Variants in PEMT observed in about 807,000 individuals in gnomAD.
The protein encoded by PEMT is phospholipid methyltransferase.
Under a neutral mutation model 27.4 loss-of-function variants are expected in PEMT, and 23 were observed. The ratio of observed to expected loss-of-function variants is 0.84; its 90% CI spans 0.60 to 1.19. The LOEUF is 1.19. Among genes scored for constraint, PEMT ranks in the 50% most tolerant of loss-of-function variants. The pLI is 0.00. For synonymous variants in PEMT, 137 were observed against 139.1 expected (o/e 0.98, Z 0.11); for missense variants, 307 against 310.1 (o/e 0.99, Z 0.07).
chr17:17,572,806 C>G (rs1911296218), intron 2 of PEMT, among the ~76,000 whole-genome samples: 1 of 152,240 alleles, frequency 6.6e-6, no homozygotes, highest in Admixed American at 6.5e-5. Flanking sequence ...TGTGAAGATT[C>G]ATTGAAATAC....
intron 2 of PEMT, among the ~76,000 whole-genome samples, chr17:17,576,307 C>T (rs1911582975): frequency 6.6e-6 from 1 of 152,204 alleles, no homozygotes; most frequent in Admixed American, 6.5e-5. Flanking sequence ...GTCCACCCAC[C>T]CCTCGGTGCT....
rs70963016 is a variant in PEMT at position 17,519,831 on chromosome 17, C to T, written c.320+2449G>A. 7.7e-3 allele frequency among the ~76,000 whole-genome samples: 1,180 copies of T among 152,294 alleles called. 12 individuals are homozygous for T. Among genetic ancestry groups the T allele is most frequent in the African/African-American group, 0.026 (1,087 of 41,546 alleles). On this transcript the variant is annotated intron_variant, in intron 3 of 6. Transcript: ENST00000255389. Reference sequence around the variant, plus strand: ...CTCAGCAGAGACTCAGAGCAGCTCCCGGGGCAGGGCTGGCAGGAGGGGCTC... The same window carrying T: ...CTCAGCAGAGACTCAGAGCAGCTCCTGGGGCAGGGCTGGCAGGAGGGGCTC...
chr17:17,552,528 C>T (rs889494572), intron 2 of PEMT, among the ~76,000 whole-genome samples: 1 of 152,174 alleles, frequency 6.6e-6, no homozygotes, highest in African/African-American at 2.4e-5. Flanking sequence ...GCTCCTCACC[C>T]GCGGCGCACC....
In PEMT at chr17:17,523,694, G is replaced by A. The variant is rs1238494411; in HGVS notation, c.205-1299C>T. Among the ~76,000 whole-genome samples the A allele has an allele frequency of 1.3e-5, 2 of 152,080 alleles. No individual in the cohort carries two copies. The highest frequency in any genetic ancestry group is 2.9e-5 in the Non-Finnish European group (2 of 68,006). On this transcript the variant is annotated intron_variant, in intron 2 of 6. Transcript: ENST00000255389. This position sits in a 1 kb window ranked among gnomAD's most constrained non-coding sequence, Gnocchi z 4.8. ...GGCGGAAGGAATAAGCGCTGCAGGG[G>A]TGAGGAGGGGGCTGCGGTGACCTTG... is the stretch of plus-strand genomic sequence containing the variant.
At chr17:17,550,168 C>G (rs1047773333) in intron 2 of PEMT, among the ~76,000 whole-genome samples, 3 of 152,166 alleles carry the variant, frequency 2.0e-5, no homozygotes, top group Non-Finnish European at 2.9e-5. Context: ...TGCTCCCCAC[C>G]ACCCCCCTCT....
chr17:17,524,109 G>T (rs905478014), intron 2 of PEMT, among the ~76,000 whole-genome samples: 1 of 152,090 alleles, frequency 6.6e-6, no homozygotes, highest in Admixed American at 6.6e-5. Flanking sequence ...TCCCTCTTAC[G>T]GCTGAATACG....
chr17:17,548,843 C>A (rs1020973812), intron 2 of PEMT, among the ~76,000 whole-genome samples: 2 of 152,148 alleles, frequency 1.3e-5, no homozygotes, highest in African/African-American at 2.4e-5. Context: ...CCGAGTCCGG[C>A]CGAGTACAGG....
intron 2 of PEMT, among the ~76,000 whole-genome samples, chr17:17,571,279 A>T (rs1325440039): frequency 1.3e-5 from 2 of 152,126 alleles, no homozygotes; most frequent in Non-Finnish European, 2.9e-5. Context: ...TCACAAGAAC[A>T]GCAGGAAGAG....
At chr17:17,588,055 C>A (rs1912410467) in intron 1 of PEMT, among the ~76,000 whole-genome samples, 1 of 152,190 alleles carries the variant, frequency 6.6e-6, no homozygotes, top group African/African-American at 2.4e-5. Context: ...CAATGGAATT[C>A]ATATTTACAG....
chr17:17,541,807 G>A (rs984765881), intron 2 of PEMT, among the ~76,000 whole-genome samples: 2 of 152,176 alleles, frequency 1.3e-5, no homozygotes, highest in African/African-American at 4.8e-5. Context: ...AGGCAGAAAC[G>A]TTTCCTCATG....
At chr17:17,528,358 G>A (rs1206102690) in intron 2 of PEMT, among the ~76,000 whole-genome samples, 1 of 152,206 alleles carries the variant, frequency 6.6e-6, no homozygotes, top group Non-Finnish European at 1.5e-5. Flanking sequence ...TGTGGCTGTG[G>A]CCTAACAGTT....
At chr17:17,545,661 C>T (rs1181492919) in intron 2 of PEMT, among the ~76,000 whole-genome samples, 3 of 152,238 alleles carry the variant, frequency 2.0e-5, no homozygotes, top group Admixed American at 6.5e-5. Context: ...CCAGAACAAA[C>T]CCTACTTTTG....
At chr17:17,508,651 TG>T in intron 5 of PEMT, 1 of 348,248 alleles carries the variant, frequency 2.9e-6, no homozygotes, top group East Asian at 1.2e-4. Flanking sequence ...ACTGCTGGGG[TG>T]GGGGCTGGGT....
chr17:17,522,442 T>G, intron 2 of PEMT, 47 bp from the exon 3 acceptor site: 20 of 1,014,672 alleles, frequency 2.0e-5, no homozygotes, highest in Non-Finnish European at 2.6e-5. Context: ...CTGGGGAGAC[T>G]CCAGGGTGGG....
At position 17,582,818 on chromosome 17, in the gene PEMT, C is replaced by T. The variant is rs1035514503; in HGVS notation, c.97-5791G>A. 2.6e-5 allele frequency among the ~76,000 whole-genome samples: 4 copies of T among 152,172 alleles called. No individual in the cohort carries two copies. The highest frequency in any genetic ancestry group is 9.7e-5 in the African/African-American group (4 of 41,446). The stretch of plus-strand genomic sequence containing the variant: ...ATGGCTCACCCCCGTAATCCCAGCA[C>T]TTTGGGAGGCCTAGGCAGGCGGATC... On this transcript the variant is annotated intron_variant, in intron 1 of 6. Transcript: ENST00000255389. The surrounding 1 kb of genome is among the most constrained non-coding windows in gnomAD (Gnocchi z 4.9).
At chr17:17,536,789 C>A (rs1008806808) in intron 2 of PEMT, among the ~76,000 whole-genome samples, 5 of 152,242 alleles carry the variant, frequency 3.3e-5, no homozygotes, top group Admixed American at 6.5e-5. Context: ...GGTCCATTGG[C>A]CCCGTGGGAC....
At chr17:17,537,348 G>A (rs1384396672) in intron 2 of PEMT, among the ~76,000 whole-genome samples, 3 of 152,174 alleles carry the variant, frequency 2.0e-5, no homozygotes, top group Admixed American at 2.0e-4. Flanking sequence ...CCCCCCACCG[G>A]CCAGAGGGCA....
chr17:17,562,207 G>C (rs1436422203), intron 2 of PEMT, among the ~76,000 whole-genome samples: 2 of 152,260 alleles, frequency 1.3e-5, no homozygotes, highest in Admixed American at 6.5e-5. Flanking sequence ...CAAGTCAAGT[G>C]ACTTCTCGGG....
intron 5 of PEMT, chr17:17,507,084 G>T: frequency 7.6e-7 from 1 of 1,320,290 alleles, no homozygotes; most frequent in South Asian, 1.3e-5. Context: ...CGTCAGTGAC[G>T]GCACCAAGGA....
Sources: gnomAD v4.1 joint callset for allele counts (sites outside exome capture counted in the v4.1 genomes callset) on GRCh38, gnomAD v4.1.1 for gene constraint, Gnocchi (gnomAD v3.1) non-coding constraint, MANE v1.5 for transcripts, NCBI Gene and HGNC (gene_info 2026-07-23, HGNC 2026-07-21) for gene names.